The following POLE variants were observed in gnomAD, a reference collection of about 807,000 sequenced individuals.
POLE encodes DNA polymerase epsilon, catalytic subunit, also known as DNA polymerase epsilon catalytic subunit A.
POLE carries 188 observed loss-of-function variants against 279.2 expected under a neutral mutation model. The observed-to-expected ratio is 0.67, with a 90% CI of 0.60 to 0.76. The LOEUF (loss-of-function observed/expected upper bound fraction) is 0.76. Ranked by LOEUF, POLE falls within the 30% of genes least tolerant of loss-of-function variation. The probability of loss-of-function intolerance (pLI) is 0.00; values close to 1 mark genes in which losing one functional copy is unlikely to be tolerated. For missense variants in POLE, 2,703 were observed against 3,016.7 expected, an observed-to-expected ratio of 0.90 and a Z score of 2.44; for synonymous variants, 1,214 against 1,172.5, an observed-to-expected ratio of 1.04 and a Z score of -0.72.
intron 31 of POLE, 56 bp downstream of exon 31, chr12:132,649,250 C>T (rs2138603292): frequency 6.4e-7 from 1 of 1,572,058 alleles, no homozygotes; most frequent in Non-Finnish European, 8.7e-7. Context: ...AGCTGGACAC[C>T]CCCTCCCTGG....
Position 132,661,148 on chromosome 12 carries a change from C to T in POLE, c.2881G>A (p.Glu961Lys), listed in dbSNP as rs2138692381. 1 of 1,601,830 alleles carries T rather than the reference C, an allele frequency of 6.2e-7. No homozygotes were observed. Among genetic ancestry groups the T allele is most frequent in the Non-Finnish European group, 8.5e-7 (1 of 1,172,836 alleles). ...TTGAGCTCAGCCAGAGAACCGTCTTCATTGAACACAGCATACCTGAAAAAA... is the reference window on the plus strand; with the variant it reads ...TTGAGCTCAGCCAGAGAACCGTCTTTATTGAACACAGCATACCTGAAAAAA... ...KLKKRYAVFN[E>K]DGSLAELKGF... Residue 961 changes from glutamate (E) to lysine (K), a missense_variant, in exon 25 of 49, where the codon GAA (glutamate) becomes AAA (lysine). Glu to Lys is a moderately conservative substitution (Grantham distance 56). This residue lies in a region of POLE where 101 missense variants were observed against 115.4 expected (regional missense o/e 0.87). Transcript: ENST00000320574. The surrounding 1 kb of genome is among the most constrained non-coding windows in gnomAD (Gnocchi z 4.1).
intron 32 of POLE, among the ~76,000 whole-genome samples, chr12:132,644,588 G>A (rs1593737951): frequency 6.6e-6 from 1 of 152,308 alleles, no homozygotes; most frequent in African/African-American, 2.4e-5. Context: ...ACCTGAGGGT[G>A]TAGATGGCAA....
chr12:132,659,584 C>T (rs2042634371), intron 25 of POLE, 75 bp from the exon 26 acceptor site: 1 of 1,251,300 alleles, frequency 8.0e-7, no homozygotes. Flanking sequence ...CTGTGCTCCT[C>T]TAGGCCATGC....
At chr12:132,665,254 A>C in intron 21 of POLE, 48 bp downstream of exon 21, 19 of 1,563,500 alleles carry the variant, frequency 1.2e-5, no homozygotes, top group Non-Finnish European at 1.7e-5. Flanking sequence ...CTAAACGTGG[A>C]CTCATCCATT....
rs1211171653 is a variant in POLE at position 132,624,538 on chromosome 12, G to C, written c.*159C>G. Reference sequence around the variant, plus strand: ...CCCTCCTGTGACGTCTGAGCTCCCTGAAAATGGTTTTCTTTGGTTTCCTCC... The same window carrying C: ...CCCTCCTGTGACGTCTGAGCTCCCTCAAAATGGTTTTCTTTGGTTTCCTCC... On this transcript the variant is annotated 3_prime_UTR_variant, in exon 49 of 49. Transcript: ENST00000320574. 5 of 642,712 alleles carry C rather than the reference G, an allele frequency of 7.8e-6. No homozygotes were observed. In the African/African-American group the frequency reaches 9.0e-5, roughly 12 times the overall value. 39.8% of individuals were successfully genotyped at this position (642,712 alleles called of 1,614,324 possible).
chr12:132,640,960 T>G, intron 39 of POLE: 1 of 456,622 alleles, frequency 2.2e-6, no homozygotes, highest in East Asian at 7.0e-5. Flanking sequence ...ATGGAGTCAT[T>G]AAAACTACAG....
At chr12:132,659,565 C>T (rs1340478906) in intron 25 of POLE, 56 bp from the exon 26 acceptor site, 121 of 1,465,282 alleles carry the variant, frequency 8.3e-5, no homozygotes, top group Non-Finnish European at 1.1e-4. Flanking sequence ...AGTCTGAGCT[C>T]ACCCTGGACT....
At position 132,641,741 on chromosome 12, in the gene POLE, G is replaced by A. The variant is rs767221835; in HGVS notation, c.5284C>T (p.Gln1762Ter). 7.4e-6 allele frequency: 12 copies of A among 1,612,474 alleles called. No homozygotes were observed. The highest frequency in any genetic ancestry group is 1.0e-5 in the Non-Finnish European group (12 of 1,179,978). The part of the protein sequence containing the change: ...DSMGISFDVI[Q>*]QASLEDMITG... ...ATCATGTCCTCCAGGGAGGCCTGCTGGATCACGTCGAAGCTGATCCCCATG... is the reference window on the plus strand; with the variant it reads ...ATCATGTCCTCCAGGGAGGCCTGCTAGATCACGTCGAAGCTGATCCCCATG... Residue 1762 changes from glutamine to a stop codon, truncating the protein, a stop_gained, in exon 39 of 49, where the codon CAG becomes TAG. Transcript: ENST00000320574. LOFTEE classifies it high-confidence loss of function.
At position 132,659,416 on chromosome 12, in the gene POLE, T is replaced by C. The variant is rs557710829; in HGVS notation, c.3154A>G (p.Thr1052Ala). 13 of 1,614,226 alleles carry C rather than the reference T, an allele frequency of 8.1e-6. No homozygotes were observed. The African/African-American group carries it at 9.3e-5, about 12-fold the overall frequency. ...AGGCGCTTTGCTGTGCTGATGGACG[T>C]AGACTTCTGCTCCCCGTAATCTTCC... ...KLEDYGEQKS[T>A]SISTAKRLAE... Residue 1052 changes from threonine (T) to alanine (A), a missense_variant, in exon 26 of 49, where the codon ACG becomes GCG. This residue lies in a region of POLE where 1,551 missense variants were observed against 1,686.1 expected (regional missense o/e 0.92). Coordinates refer to ENST00000320574, the MANE Select transcript of POLE (RefSeq NM_006231.4).
intron 29 of POLE, among the ~76,000 whole-genome samples, chr12:132,653,352 G>C (rs1395166764): frequency 1.3e-5 from 2 of 152,198 alleles, no homozygotes; most frequent in Non-Finnish European, 2.9e-5. Context: ...TCTAGCCTGG[G>C]TGACAAAGGA....
intron 13 of POLE, 57 bp from the exon 14 acceptor site, chr12:132,673,334 T>G (rs2042974378): frequency 7.6e-6 from 10 of 1,309,930 alleles, no homozygotes; most frequent in Middle Eastern, 3.7e-4. Context: ...CAGGGTCAAG[T>G]GTGAAGCACA....
intron 1 of POLE, among the ~76,000 whole-genome samples, chr12:132,685,388 C>G (rs1001083805): frequency 6.6e-6 from 1 of 152,266 alleles, no homozygotes; most frequent in African/African-American, 2.4e-5. Flanking sequence ...CACATATGCT[C>G]TCATTCAGTT....
At chr12:132,657,755 G>C in intron 27 of POLE, 113 bp downstream of exon 27, 1 of 789,016 alleles carries the variant, frequency 1.3e-6, no homozygotes, top group Admixed American at 2.1e-5. Context: ...TCAGAAAGGA[G>C]GAAGTCAAGA....
rs772115782 is a variant in POLE, at chr12:132,642,862, C to T, written c.4686G>A (p.Lys1562=). 1 of 1,614,086 alleles carries T rather than the reference C, an allele frequency of 6.2e-7. No individual in the cohort carries two copies. The highest frequency in any genetic ancestry group is 1.7e-5 in the Admixed American group (1 of 60,010). ...ATCGCTGGATGGCTCTGCAGATGGT[C>T]TTCAGGTCAGTTTCTGCCCGAACTT... is the stretch of plus-strand genomic sequence containing the variant. The part of the protein sequence containing the change: ...TFEVRAETDL[K]TICRAIQRFL... The change falls in exon 36 of 49, where the codon AAG becomes AAA. Residue 1562 remains lysine (K), a synonymous_variant. Coordinates refer to ENST00000320574, the MANE Select transcript of POLE (RefSeq NM_006231.4).
chr12:132,662,333 T>C (rs1242277675), intron 23 of POLE, among the ~76,000 whole-genome samples: 1 of 152,262 alleles, frequency 6.6e-6, no homozygotes, highest in Non-Finnish European at 1.5e-5. Flanking sequence ...TTATTTCTCA[T>C]GGGACACAAG....
At position 132,642,867 on chromosome 12, in the gene POLE, G is replaced by A. The variant is rs2138539721; in HGVS notation, c.4681C>T (p.Leu1561=). 6.2e-7 allele frequency: 1 copy of A among 1,614,052 alleles called. No individual in the cohort carries two copies. The highest frequency in any genetic ancestry group is 8.5e-7 in the Non-Finnish European group (1 of 1,179,992). Reference sequence around the variant, plus strand: ...TGGATGGCTCTGCAGATGGTCTTCAGGTCAGTTTCTGCCCGAACTTCGAAG... The same window carrying A: ...TGGATGGCTCTGCAGATGGTCTTCAAGTCAGTTTCTGCCCGAACTTCGAAG... ...HTFEVRAETD[L]KTICRAIQRF... is the part of the protein sequence containing the mutation. The change falls in exon 36 of 49, where the codon CTG becomes TTG. Residue 1561 remains leucine (L), a synonymous_variant. Coordinates refer to ENST00000320574, the MANE Select transcript of POLE (RefSeq NM_006231.4).
intron 1 of POLE, 112 bp from the exon 2 acceptor site, chr12:132,681,391 TG>T: frequency 9.6e-7 from 1 of 1,046,088 alleles, no homozygotes; most frequent in Non-Finnish European, 1.3e-6. Context: ...TCGCCTAGGC[TG>T]GAGTGCAGTG....
At chr12:132,629,843 G>A (rs2041902691) in intron 45 of POLE, among the ~76,000 whole-genome samples, 1 of 152,178 alleles carries the variant, frequency 6.6e-6, no homozygotes, top group South Asian at 2.1e-4. Context: ...AGCCTGTCTC[G>A]ACTTTCAACA....
chr12:132,631,379 C>T (rs1230962456), intron 45 of POLE, among the ~76,000 whole-genome samples: 2 of 152,176 alleles, frequency 1.3e-5, no homozygotes, highest in Non-Finnish European at 2.9e-5. Flanking sequence ...GGAAAAATCA[C>T]AGAACTGCAC....
Sources: allele counts gnomAD v4.1 joint callset (sites outside exome capture counted in the v4.1 genomes callset), GRCh38; gene constraint gnomAD v4.1.1; regional missense constraint gnomAD v4.1.1; non-coding constraint Gnocchi (gnomAD v3.1); transcripts MANE v1.5; gene names NCBI Gene and HGNC (gene_info 2026-07-23, HGNC 2026-07-21).